TAF1A: variants seen among roughly 807,000 people sequenced by gnomAD.
TAF1A encodes TATA-box binding protein associated factor, RNA polymerase I subunit A.
A neutral mutation model predicts 61.6 loss-of-function variants in TAF1A; 42 were observed. The ratio of observed to expected loss-of-function variants is 0.68; its 90% CI spans 0.53 to 0.88. TAF1A has a LOEUF of 0.88. TAF1A is among the 40% of genes least tolerant of loss of function. TAF1A has a pLI of 0.00. For missense variants in TAF1A, 424 were observed against 518.7 expected (o/e 0.82, Z 1.77); for synonymous variants, 179 against 177.7 (o/e 1.01, Z -0.06).
Position 222,564,107 on chromosome 1 carries a change from G to C in TAF1A, c.913C>G (p.Pro305Ala). 2 of 1,554,318 alleles carry C rather than the reference G, an allele frequency of 1.3e-6. No individual in the cohort carries two copies. The highest frequency in any genetic ancestry group is 1.8e-6 in the Non-Finnish European group (2 of 1,131,646). The stretch of plus-strand genomic sequence containing the variant: ...AATTCCAACATCAATTTATGAGATG[G>C]TACAATCTGATACAAAATCTGAAAG... ...SVLKILYQIV[P>A]SHKLMLEFHT... Residue 305 changes from proline (P) to alanine (A), a missense_variant, in exon 8 of 11, where the codon CCA becomes GCA. Pro to Ala is a conservative substitution (Grantham distance 27). Transcript: ENST00000352967.
At chr1:222,581,886 G>A (rs958947992) in intron 3 of TAF1A, among the ~76,000 whole-genome samples, 7 of 152,152 alleles carry the variant, frequency 4.6e-5, no homozygotes, top group Non-Finnish European at 1.0e-4. Flanking sequence ...ATCTGAAATC[G>A]TTGGGACCAG....
intron 5 of TAF1A, among the ~76,000 whole-genome samples, chr1:222,574,928 G>T (rs1660504975): frequency 6.6e-6 from 1 of 152,132 alleles, no homozygotes; most frequent in Non-Finnish European, 1.5e-5. Context: ...TTAGGTTAGG[G>T]TGACAGTATT....
intron 1 of TAF1A, among the ~76,000 whole-genome samples, chr1:222,589,069 T>A (rs768743415): frequency 1.3e-5 from 2 of 152,232 alleles, no homozygotes; most frequent in Middle Eastern, 3.4e-3. Flanking sequence ...CAAAAAATGG[T>A]GAGGACGATA....
At chr1:222,563,936 T>A (rs1571797378) in intron 8 of TAF1A, 123 bp downstream of exon 8, 1 of 651,354 alleles carries the variant, frequency 1.5e-6, no homozygotes, top group South Asian at 1.8e-5. Flanking sequence ...ACAGATGGAC[T>A]CCAACAGAAC....
chr1:222,577,473 A>T lies in TAF1A; in HGVS notation c.576T>A (p.Ser192=), dbSNP rs1052973286. 6.2e-7 allele frequency: 1 copy of T among 1,613,788 alleles called. No homozygotes were observed. Among genetic ancestry groups the T allele is most frequent in the African/African-American group, 1.3e-5 (1 of 74,914 alleles). The part of the protein sequence containing the change: ...YKGLLQYYTW[S]EKKMELSKLD... ...GCTTTGACAATTCCATCTTCTTTTC[A>T]GACCAGGTATAATACTGTAAAAGCC... The change falls in exon 5 of 11, where the codon TCT becomes TCA. Residue 192 remains serine (S), a synonymous_variant. Transcript: ENST00000352967.
chr1:222,563,122 T>C, intron 9 of TAF1A, 51 bp downstream of exon 9: 2 of 1,473,972 alleles, frequency 1.4e-6, no homozygotes, highest in Non-Finnish European at 1.8e-6. Context: ...GCTAAAATAT[T>C]GGGAAATATT....
At position 222,577,606 on chromosome 1, in the gene TAF1A, C is replaced by T; in HGVS notation, c.443G>A (p.Gly148Glu). 1 of 1,613,892 alleles carries T rather than the reference C, an allele frequency of 6.2e-7. No homozygotes were observed. Among genetic ancestry groups the T allele is most frequent in the Non-Finnish European group, 8.5e-7 (1 of 1,179,890 alleles). ...ATTTCTCTTAGCATCTTTAAGCATT[C>T]CATGATGCAGAAGGTATAATGCATG... ...LQHALYLLHHGMLKDAKRNLS... is the reference protein window; with the variant it reads ...LQHALYLLHHEMLKDAKRNLS... Residue 148 changes from glycine to glutamate, a missense_variant, in exon 5 of 11, where the codon GGA (glycine) becomes GAA (glutamate). By Grantham distance (98) the Gly-to-Glu change is moderately conservative. Transcript: ENST00000352967.
chr1:222,579,239 A>G (rs2102670206), intron 4 of TAF1A, among the ~76,000 whole-genome samples: 1 of 152,366 alleles, frequency 6.6e-6, no homozygotes, highest in South Asian at 2.1e-4. Flanking sequence ...ACAAACCTGT[A>G]TTGAAAAAGT....
chr1:222,577,399 G>A (rs773980922), intron 5 of TAF1A, 46 bp downstream of exon 5: 1 of 1,500,764 alleles, frequency 6.7e-7, no homozygotes, highest in Non-Finnish European at 9.2e-7. Flanking sequence ...AGATCCCTCT[G>A]CCCCTCAGTC....
intron 3 of TAF1A, among the ~76,000 whole-genome samples, chr1:222,580,975 AC>A (rs1660767065): frequency 6.6e-6 from 1 of 151,960 alleles, no homozygotes. Context: ...ACACGGTGAA[AC>A]CCCGTCTCTA....
At chr1:222,586,515 T>A (rs972518512) in intron 2 of TAF1A, among the ~76,000 whole-genome samples, 4 of 152,288 alleles carry the variant, frequency 2.6e-5, no homozygotes, top group Non-Finnish European at 5.9e-5. Flanking sequence ...TCTTACTTGA[T>A]CCTGATGACT....
At chr1:222,565,107 A>G (rs1660065325) in intron 7 of TAF1A, among the ~76,000 whole-genome samples, 1 of 152,234 alleles carries the variant, frequency 6.6e-6, no homozygotes, top group South Asian at 2.1e-4. Flanking sequence ...TCACCAGAAC[A>G]CTAGAAATCC....
Position 222,579,806 on chromosome 1 carries a change from T to C in TAF1A, c.358A>G (p.Thr120Ala). 5 of 1,611,780 alleles carry C rather than the reference T, an allele frequency of 3.1e-6. No homozygotes were observed. The highest frequency in any genetic ancestry group is 4.2e-6 in the Non-Finnish European group (5 of 1,179,448). ...HPKSNMESFN[T>A]FANRMKNIGV... The stretch of plus-strand genomic sequence containing the variant: ...ATATTTTTCATCCGGTTAGCAAAAG[T>C]ATTGAAACTCTCCATGTTGCTTTTG... The change falls in exon 4 of 11, where the codon ACT becomes GCT. Residue 120 changes from threonine to alanine, a missense_variant. Thr to Ala is a moderately conservative substitution (Grantham distance 58, BLOSUM62 0). Coordinates refer to ENST00000352967, the MANE Select transcript of TAF1A (RefSeq NM_005681.4).
chr1:222,569,126 C>A, intron 7 of TAF1A: 1 of 505,510 alleles, frequency 2.0e-6, no homozygotes, highest in South Asian at 4.5e-5. Context: ...ATTCTGGGGG[C>A]GACAGAAATG....
At chr1:222,565,152 C>T (rs1478875612) in intron 7 of TAF1A, among the ~76,000 whole-genome samples, 6 of 152,220 alleles carry the variant, frequency 3.9e-5, no homozygotes, top group Non-Finnish European at 8.8e-5. Context: ...GTCATGAGCC[C>T]TTCAAATGCC....
chr1:222,583,932 C>G (rs1660906528), intron 3 of TAF1A, among the ~76,000 whole-genome samples, 196 bp downstream of exon 3: 1 of 151,308 alleles, frequency 6.6e-6, no homozygotes, highest in Non-Finnish European at 1.5e-5. Flanking sequence ...TTGGAATGAA[C>G]ATTTTAGTCC....
At chr1:222,573,994 A>AC (rs1312190067) in intron 5 of TAF1A, among the ~76,000 whole-genome samples, 1 of 151,502 alleles carries the variant, frequency 6.6e-6, no homozygotes, top group Non-Finnish European at 1.5e-5. Context: ...TTAGGGAAAA[A>AC]AAAAATTATG....
Position 222,584,150 on chromosome 1 carries a change from T to C in TAF1A, c.269A>G (p.Tyr90Cys), listed in dbSNP as rs1660917348. 2 of 1,609,812 alleles carry C rather than the reference T, an allele frequency of 1.2e-6. No individual in the cohort carries two copies. The highest frequency in any genetic ancestry group is 1.1e-5 in the South Asian group (1 of 90,178). ...YFQTLEDSDSYKRQAAPEIIW... is the reference protein window; with the variant it reads ...YFQTLEDSDSCKRQAAPEIIW... ...TACCTCAGGTGCAGCCTGCCTTTTG[T>C]AGCTATCTGAATCTTCCAAGGTCTG... The change falls in exon 3 of 11, where the codon TAC becomes TGC. Residue 90 changes from tyrosine (Y) to cysteine (C), a missense_variant. Physicochemically the swap from Tyr to Cys is radical, Grantham distance 194 (BLOSUM62 -2). Transcript: ENST00000352967.
chr1:222,561,563 A>G, intron 9 of TAF1A, 45 bp from the exon 10 acceptor site: 1 of 1,524,602 alleles, frequency 6.6e-7, no homozygotes. Context: ...GATGGAAACA[A>G]ATCTATATTA....
Sources: gnomAD v4.1 joint callset for allele counts (sites outside exome capture counted in the v4.1 genomes callset) on GRCh38, gnomAD v4.1.1 for gene constraint, MANE v1.5 for transcripts, NCBI Gene and HGNC (gene_info 2026-07-23, HGNC 2026-07-21) for gene names.